ARID1B: variants seen among roughly 807,000 people sequenced by gnomAD.
The protein encoded by ARID1B is AT-rich interactive domain-containing protein 1B.
Under a neutral mutation model 212.3 loss-of-function variants are expected in ARID1B, and 30 were observed. The observed-to-expected ratio is 0.14, with a 90% CI of 0.11 to 0.19. The LOEUF is 0.19. Among genes scored for constraint, ARID1B ranks in the 10% least tolerant of loss-of-function variants. The probability of loss-of-function intolerance (pLI) is 1.00; values close to 1 mark genes in which losing one functional copy is unlikely to be tolerated. For synonymous variants in ARID1B, 1,402 were observed against 1,301.7 expected, an observed-to-expected ratio of 1.08 and a Z score of -1.66; for missense variants, 2,891 against 3,204.0, an observed-to-expected ratio of 0.90 and a Z score of 2.36.
In ARID1B at chr6:157,136,906, T is replaced by C. The variant is rs976749596; in HGVS notation, c.2761+3699T>C. 2.7e-5 allele frequency among the ~76,000 whole-genome samples: 4 copies of C among 148,624 alleles called. No individual in the cohort carries two copies. In the East Asian group the frequency reaches 8.2e-4, roughly 30 times the overall value. The stretch of plus-strand genomic sequence containing the variant: ...ACAAAAATACTAAAGAGATTAAGAA[T>C]GTTGCTCATGCCCATAATCTCAGCA... On this transcript the variant is annotated intron_variant, in intron 7 of 19. Transcript: ENST00000636930.
chr6:156,901,749 A>G, intron 3 of ARID1B: 1 of 603,850 alleles, frequency 1.7e-6, no homozygotes, highest in Admixed American at 3.4e-5. Context: ...AGCTGCTTGC[A>G]TTACTGGTTA....
chr6:156,924,108 A>G (rs912603687), intron 3 of ARID1B, among the ~76,000 whole-genome samples: 1 of 152,212 alleles, frequency 6.6e-6, no homozygotes, highest in African/African-American at 2.4e-5. Flanking sequence ...ATGATCATGA[A>G]TACAACCTTA....
chr6:156,889,992 T>C (rs867505343), intron 2 of ARID1B, among the ~76,000 whole-genome samples: 4 of 152,198 alleles, frequency 2.6e-5, no homozygotes, highest in Non-Finnish European at 4.4e-5. Context: ...GGAGAGCTTG[T>C]TACCCTAAAG....
intron 1 of ARID1B, among the ~76,000 whole-genome samples, chr6:156,822,727 C>G (rs1451977138): frequency 6.6e-6 from 1 of 152,186 alleles, no homozygotes; most frequent in African/African-American, 2.4e-5. Context: ...TGTACAGCAG[C>G]TCTGAAGTGT....
At chr6:157,158,650 T>C (rs889676313) in intron 8 of ARID1B, among the ~76,000 whole-genome samples, 4 of 152,152 alleles carry the variant, frequency 2.6e-5, no homozygotes, top group Non-Finnish European at 5.9e-5. Flanking sequence ...AGAGACCTGC[T>C]CCCTCCACTC....
intron 3 of ARID1B, among the ~76,000 whole-genome samples, chr6:156,931,147 G>A (rs969421074): frequency 7.4e-6 from 1 of 135,182 alleles, no homozygotes; most frequent in African/African-American, 2.8e-5. Flanking sequence ...CCGAGATTGC[G>A]CCCACTGCAC....
At chr6:156,857,757 G>C (rs1011372168) in intron 2 of ARID1B, among the ~76,000 whole-genome samples, 1 of 152,218 alleles carries the variant, frequency 6.6e-6, no homozygotes, top group African/African-American at 2.4e-5. Context: ...TCATCAGACA[G>C]TGTAGTCATT....
chr6:156,857,042 T>C (rs146329740), intron 2 of ARID1B, among the ~76,000 whole-genome samples: 518 of 152,218 alleles, frequency 3.4e-3, no homozygotes, highest in African/African-American at 0.012. Flanking sequence ...ATTTACATGT[T>C]TGCTTGAACT....
intron 16 of ARID1B, among the ~76,000 whole-genome samples, chr6:157,197,331 C>T (rs1307157283): frequency 1.3e-5 from 2 of 152,234 alleles, no homozygotes; most frequent in East Asian, 1.9e-4. Context: ...GCTGTTCTAC[C>T]GGGGACCGGC....
At chr6:157,074,417 G>T (rs1381716782) in intron 4 of ARID1B, among the ~76,000 whole-genome samples, 1 of 152,112 alleles carries the variant, frequency 6.6e-6, no homozygotes, top group Admixed American at 6.5e-5. Flanking sequence ...TAGAGATGGG[G>T]TTTCACCATG....
chr6:156,879,517 C>G (rs989136328), intron 2 of ARID1B, among the ~76,000 whole-genome samples: 4 of 152,200 alleles, frequency 2.6e-5, no homozygotes, highest in Admixed American at 6.5e-5. Context: ...TTCACACTCG[C>G]AAATTGCTGT....
At chr6:156,809,756 G>A (rs1360162859) in intron 1 of ARID1B, among the ~76,000 whole-genome samples, 2 of 147,760 alleles carry the variant, frequency 1.4e-5, no homozygotes, top group Admixed American at 6.8e-5. Context: ...CCCTTGGTTC[G>A]TTCAAAAATG....
chr6:156,866,893 C>T (rs1451928526), intron 2 of ARID1B, among the ~76,000 whole-genome samples: 1 of 152,194 alleles, frequency 6.6e-6, no homozygotes, highest in Non-Finnish European at 1.5e-5. Flanking sequence ...GTTGATTTTG[C>T]AAGCATCATG....
At chr6:157,125,759 G>A (rs1283738583) in intron 6 of ARID1B, among the ~76,000 whole-genome samples, 2 of 152,214 alleles carry the variant, frequency 1.3e-5, no homozygotes, top group African/African-American at 2.4e-5. Flanking sequence ...AATTCCATGA[G>A]GGTAGATGTT....
intron 6 of ARID1B, among the ~76,000 whole-genome samples, chr6:157,121,247 T>C (rs929571049): frequency 1.3e-5 from 2 of 152,244 alleles, no homozygotes; most frequent in Non-Finnish European, 2.9e-5. Flanking sequence ...GTACTTTAAC[T>C]GGACCCATCC....
At position 156,799,182 on chromosome 6, in the gene ARID1B, A is replaced by ATAATATAGAATAAT. The variant is rs756443968; in HGVS notation, c.1791+19718_1791+19719insGAATAATTAATATA. On this transcript the variant is annotated intron_variant, in intron 1 of 19. Coordinates refer to ENST00000636930, the MANE Select transcript of ARID1B (RefSeq NM_001374828.1). ...TGAAATACTAAGTATTGAATAATTA[A>ATAATATAGAATAAT]TAATATAAAATAATTCATCAAATAA... Among the ~76,000 whole-genome samples, 1,390 of 151,802 alleles carry ATAATATAGAATAAT rather than the reference A, an allele frequency of 9.2e-3. 8 individuals are homozygous for ATAATATAGAATAAT. The highest frequency in any genetic ancestry group is 0.014 in the Non-Finnish European group (949 of 67,588).
At chr6:157,142,344 A>AGCCG (rs1182799384) in intron 7 of ARID1B, among the ~76,000 whole-genome samples, 1 of 152,156 alleles carries the variant, frequency 6.6e-6, no homozygotes. Flanking sequence ...GACATGACAA[A>AGCCG]GCCGGGCACA....
chr6:157,180,833 C>G lies in ARID1B; in HGVS notation c.3505-136C>G. ...GTGCCTGAACTAGTAGCCTTCATTC[C>G]TAATTGTTGTGTGATAGCAGTAGTT... On this transcript the variant is annotated intron_variant, in intron 11 of 19. Transcript: ENST00000636930. 12 of 683,848 alleles carry G rather than the reference C, an allele frequency of 1.8e-5. No individual in the cohort carries two copies. The South Asian group carries it at 2.4e-4, about 14-fold the overall frequency. The allele number at this position is 683,848 out of a possible 1,614,324, so 42.4% of individuals were successfully genotyped here. A position where few individuals can be genotyped will look rare whatever the true frequency, so the allele number is the denominator to read the frequency against.
At position 157,039,318 on chromosome 6, in the gene ARID1B, A is replaced by ATTTTTTTT. The variant is rs1215591720; in HGVS notation, c.2248-45341_2248-45340insTTTTTTTT. Among the ~76,000 whole-genome samples, 13 of 112,814 alleles carry ATTTTTTTT rather than the reference A, an allele frequency of 1.2e-4. 1 individual carries two copies. Among genetic ancestry groups the ATTTTTTTT allele is most frequent in the African/African-American group, 2.2e-4 (6 of 27,332 alleles). The allele number at this position is 112,814 out of a possible 152,430, so 74.0% of individuals were successfully genotyped here. A position where few individuals can be genotyped will look rare whatever the true frequency, so the allele number is the denominator to read the frequency against. ...TATAATTAAAAATGGGAAATTTGACATTTCTTTTTTTTTTTTTTTTTTTGA... is the reference window on the plus strand; with the variant it reads ...TATAATTAAAAATGGGAAATTTGACATTTTTTTTTTTCTTTTTTTTTTTTTTTTTTTGA... On this transcript the variant is annotated intron_variant, in intron 4 of 19. Transcript: ENST00000636930.
Sources: gnomAD v4.1 joint callset for allele counts (sites outside exome capture counted in the v4.1 genomes callset) on GRCh38, gnomAD v4.1.1 for gene constraint, MANE v1.5 for transcripts, NCBI Gene and HGNC (gene_info 2026-07-23, HGNC 2026-07-21) for gene names.